Variants in CDH18 observed in about 807,000 individuals in gnomAD.
CDH18 encodes cadherin-18.
A neutral mutation model predicts 67.9 loss-of-function variants in CDH18; 31 were observed. That is an observed-to-expected ratio of 0.46 (90% CI 0.34 to 0.62). The LOEUF is 0.62. Among genes scored for constraint, CDH18 ranks in the 20% least tolerant of loss-of-function variants. CDH18 has a pLI of 0.01. For missense variants in CDH18, 890 were observed against 975.5 expected, an observed-to-expected ratio of 0.91 and a Z score of 1.17; for synonymous variants, 362 against 347.2, an observed-to-expected ratio of 1.04 and a Z score of -0.48.
intron 2 of CDH18, among the ~76,000 whole-genome samples, chr5:19,910,902 G>T (rs1425451405): frequency 6.6e-6 from 1 of 152,116 alleles, no homozygotes; most frequent in Admixed American, 6.6e-5. Context: ...GACATAAAAA[G>T]TAGGACTTAC....
At chr5:19,516,039 T>C (rs912427393) in intron 10 of CDH18, among the ~76,000 whole-genome samples, 3 of 152,230 alleles carry the variant, frequency 2.0e-5, no homozygotes, top group East Asian at 1.9e-4. Flanking sequence ...ACCTAGTTTA[T>C]TGAGAGTTTT....
chr5:20,388,588 A>C (rs1221051066), intron 1 of CDH18, among the ~76,000 whole-genome samples: 1 of 151,886 alleles, frequency 6.6e-6, no homozygotes, highest in African/African-American at 2.4e-5. Context: ...CTCTGATCTT[A>C]GTTATTTCAT....
chr5:20,196,946 A>G (rs762444129), intron 2 of CDH18, among the ~76,000 whole-genome samples: 1 of 152,148 alleles, frequency 6.6e-6, no homozygotes, highest in Non-Finnish European at 1.5e-5. Flanking sequence ...GGCCTGGGGA[A>G]AGAGTGTTTT....
rs376022817 is a variant in CDH18, at chr5:20,430,028, T to C, written c.-580+145434A>G. ...CCACCAAATTTTCTTGAAATATAGATTACTTCAAGTTTATATAATGCTTAA... is the reference window on the plus strand; with the variant it reads ...CCACCAAATTTTCTTGAAATATAGACTACTTCAAGTTTATATAATGCTTAA... On this transcript the variant is annotated intron_variant, in intron 1 of 14. Transcript: ENST00000507958. Among the ~76,000 whole-genome samples the C allele has an allele frequency of 6.0e-4, 92 of 152,252 alleles. 1 individual carries two copies. In the South Asian group the frequency reaches 0.018, roughly 29 times the overall value.
At chr5:20,210,970 T>C (rs1740307311) in intron 2 of CDH18, among the ~76,000 whole-genome samples, 1 of 152,112 alleles carries the variant, frequency 6.6e-6, no homozygotes, top group African/African-American at 2.4e-5. Flanking sequence ...ATATTATTCA[T>C]AATCTAGATT....
intron 1 of CDH18, among the ~76,000 whole-genome samples, chr5:20,256,984 AT>A (rs1561917481): frequency 2.0e-4 from 26 of 128,826 alleles, no homozygotes; most frequent in Admixed American, 4.9e-4. Flanking sequence ...ATCTATATCT[AT>A]ATCTATCTAT....
chr5:19,724,259 T>A (rs1474621855), intron 4 of CDH18, among the ~76,000 whole-genome samples: 1 of 152,118 alleles, frequency 6.6e-6, no homozygotes, highest in Non-Finnish European at 1.5e-5. Flanking sequence ...ATTAAGTAAA[T>A]CCCAAAAGGT....
chr5:20,539,754 ACAAACACAC>A (rs1756948084), intron 1 of CDH18, among the ~76,000 whole-genome samples: 1 of 132,204 alleles, frequency 7.6e-6, no homozygotes, highest in African/African-American at 2.6e-5. Flanking sequence ...ACACACACAC[ACAAACACAC>A]ACACACACAC....
intron 2 of CDH18, among the ~76,000 whole-genome samples, chr5:20,121,624 A>C (rs919479911): frequency 2.6e-5 from 4 of 152,162 alleles, no homozygotes; most frequent in Non-Finnish European, 4.4e-5. Flanking sequence ...AGAAGAAAAT[A>C]CTTTAAAAAA....
At chr5:19,864,480 T>C (rs974183606) in intron 2 of CDH18, among the ~76,000 whole-genome samples, 2 of 151,882 alleles carry the variant, frequency 1.3e-5, no homozygotes, top group Non-Finnish European at 2.9e-5. Flanking sequence ...TATACATATG[T>C]AACTAACCTG....
Position 19,772,946 on chromosome 5 carries a change from T to A in CDH18, c.229-25710A>T, listed in dbSNP as rs1449641430. Among the ~76,000 whole-genome samples, 9 of 152,322 alleles carry A rather than the reference T, an allele frequency of 5.9e-5. No individual in the cohort carries two copies. The South Asian group carries it at 1.7e-3, about 28-fold the overall frequency. On this transcript the variant is annotated intron_variant, in intron 3 of 12. Transcript: ENST00000382275. ...AAATTAAGATTAAACATTATGTATA[T>A]GTCCCTTCTTAAGTAAACATCAATA...
intron 2 of CDH18, among the ~76,000 whole-genome samples, chr5:19,950,149 T>C (rs1322231601): frequency 6.6e-6 from 1 of 151,796 alleles, no homozygotes; most frequent in Non-Finnish European, 1.5e-5. Flanking sequence ...GGAATAAATG[T>C]GATACACACA....
chr5:20,049,088 C>A (rs909096095), intron 2 of CDH18, among the ~76,000 whole-genome samples: 3 of 151,602 alleles, frequency 2.0e-5, no homozygotes, highest in African/African-American at 7.3e-5. Context: ...AGCTGGTAAT[C>A]ATCAACTAAC....
rs191168110 is a variant in CDH18, at chr5:20,274,663, G to A, written c.-579-19158C>T. Among the ~76,000 whole-genome samples, 325 of 152,016 alleles carry A rather than the reference G, an allele frequency of 2.1e-3. 3 individuals carry two copies. Among genetic ancestry groups the A allele is most frequent in the African/African-American group, 7.1e-3 (296 of 41,508 alleles). On this transcript the variant is annotated intron_variant, in intron 1 of 14. Coordinates refer to the CDH18 transcript ENST00000507958. The stretch of plus-strand genomic sequence containing the variant: ...AAAACAAAAAAAGTGTATATTTGCC[G>A]TATCAAAACTAGGAAGATAAGAATA...
intron 1 of CDH18, among the ~76,000 whole-genome samples, chr5:20,294,944 T>C (rs1013601960): frequency 6.6e-6 from 1 of 152,218 alleles, no homozygotes; most frequent in Non-Finnish European, 1.5e-5. Context: ...TTAGATGTGG[T>C]ACATGATTAA....
intron 2 of CDH18, among the ~76,000 whole-genome samples, chr5:19,870,847 C>T (rs545612368): frequency 5.9e-4 from 90 of 152,254 alleles, no homozygotes; most frequent in African/African-American, 2.1e-3. Context: ...CAGATATTTA[C>T]CCATGTGGGC....
chr5:19,961,324 G>T (rs1296128824), intron 2 of CDH18, among the ~76,000 whole-genome samples: 1 of 151,724 alleles, frequency 6.6e-6, no homozygotes, highest in African/African-American at 2.4e-5. Flanking sequence ...GGCCAGACTG[G>T]TCTCAAACTC....
chr5:19,721,319 C>T, intron 5 of CDH18, 28 bp downstream of exon 5: 1 of 1,538,832 alleles, frequency 6.5e-7, no homozygotes, highest in Non-Finnish European at 8.8e-7. Flanking sequence ...CAAACGCTTG[C>T]ATGCGAGTTA....
intron 6 of CDH18, among the ~76,000 whole-genome samples, chr5:19,593,660 C>A (rs1271173234): frequency 6.9e-6 from 1 of 144,946 alleles, no homozygotes; most frequent in African/African-American, 2.6e-5. Flanking sequence ...CTCCCCCTCC[C>A]CTTCTACCTC....
Sources: allele counts gnomAD v4.1 joint callset (sites outside exome capture counted in the v4.1 genomes callset), GRCh38; gene constraint gnomAD v4.1.1; transcripts MANE v1.5; gene names NCBI Gene and HGNC (gene_info 2026-07-23, HGNC 2026-07-21).